ITGA8: variants seen among roughly 807,000 people sequenced by gnomAD.
The protein encoded by ITGA8 is integrin alpha-8.
Under a neutral mutation model 142.3 loss-of-function variants are expected in ITGA8, and 91 were observed. That is an observed-to-expected ratio of 0.64 (90% confidence interval 0.54 to 0.76). The LOEUF is 0.76. Among genes scored for constraint, ITGA8 ranks in the 30% least tolerant of loss-of-function variants. ITGA8 has a pLI of 0.00. For missense variants in ITGA8, 1,406 were observed against 1,327.7 expected, an observed-to-expected ratio of 1.06 and a Z score of -0.92; for synonymous variants, 505 against 485.2, an observed-to-expected ratio of 1.04 and a Z score of -0.54.
At chr10:15,608,421 A>C (rs1833237686) in intron 15 of ITGA8, 131 bp from the exon 16 acceptor site, 4 of 535,780 alleles carry the variant, frequency 7.5e-6, no homozygotes, top group Middle Eastern at 4.8e-4. Context: ...ACACACACAC[A>C]CACCCACACA....
intron 2 of ITGA8, 81 bp from the exon 3 acceptor site, chr10:15,688,119 A>G: frequency 1.0e-6 from 1 of 961,022 alleles, no homozygotes; most frequent in Non-Finnish European, 1.7e-6. Flanking sequence ...GTACATTAAA[A>G]ATACTTGAAC....
At chr10:15,582,220 T>G (rs927148150) in intron 23 of ITGA8, among the ~76,000 whole-genome samples, 1 of 151,896 alleles carries the variant, frequency 6.6e-6, no homozygotes, top group African/African-American at 2.4e-5. Flanking sequence ...GCCTGGGAGA[T>G]AGAGTGAGAC....
chr10:15,521,383 G>T lies in ITGA8; in HGVS notation c.2983-1971C>A, dbSNP rs115957521. Among the ~76,000 whole-genome samples, 872 of 152,222 alleles carry T rather than the reference G, an allele frequency of 5.7e-3. 6 individuals carry two copies. Among genetic ancestry groups the T allele is most frequent in the African/African-American group, 0.02 (845 of 41,552 alleles). On this transcript the variant is annotated intron_variant, in intron 28 of 29. Coordinates refer to ENST00000378076, the MANE Select transcript of ITGA8 (RefSeq NM_003638.3). ...ATGGTGCCCTTCTCAGCTTGTCTTG[G>T]TTTTTTATTGCTCCTTCCTTCTTGA...
At chr10:15,528,894 C>G (rs1833232340) in intron 28 of ITGA8, among the ~76,000 whole-genome samples, 2 of 152,118 alleles carry the variant, frequency 1.3e-5, no homozygotes, top group Non-Finnish European at 1.5e-5. Flanking sequence ...GCTTTAAATA[C>G]CACCGAAGTT....
chr10:15,531,641 A>G (rs545545926), intron 27 of ITGA8, among the ~76,000 whole-genome samples: 8 of 152,274 alleles, frequency 5.3e-5, no homozygotes, highest in African/African-American at 1.9e-4. Context: ...GCAGTAAGTT[A>G]TAAAGAAATG....
chr10:15,615,201 C>G (rs1833370342), intron 14 of ITGA8, among the ~76,000 whole-genome samples: 1 of 152,342 alleles, frequency 6.6e-6, no homozygotes, highest in African/African-American at 2.4e-5. Context: ...CCATTCTGCT[C>G]CAGCAGCTCT....
intron 1 of ITGA8, among the ~76,000 whole-genome samples, chr10:15,719,283 G>A (rs921999369): frequency 1.3e-5 from 2 of 152,166 alleles, no homozygotes; most frequent in Non-Finnish European, 2.9e-5. Flanking sequence ...GGGTCTTCTG[G>A]GTCCTGTTCT....
intron 27 of ITGA8, among the ~76,000 whole-genome samples, chr10:15,540,229 CA>C (rs1377035780): frequency 6.6e-6 from 1 of 152,172 alleles, no homozygotes; most frequent in Non-Finnish European, 1.5e-5. Context: ...TACTGACTAT[CA>C]GAACTTATTC....
chr10:15,656,298 CA>C (rs1834183175), intron 10 of ITGA8, among the ~76,000 whole-genome samples: 1 of 152,110 alleles, frequency 6.6e-6, no homozygotes, highest in Non-Finnish European at 1.5e-5. Context: ...TCATAGTCAA[CA>C]AAAGCTCCTA....
chr10:15,637,248 T>C (rs1413711318), intron 13 of ITGA8, among the ~76,000 whole-genome samples: 1 of 152,226 alleles, frequency 6.6e-6, no homozygotes, highest in Non-Finnish European at 1.5e-5. Context: ...GTAGCTCATA[T>C]TCTGTTCATG....
chr10:15,649,484 G>T (rs1236354036), intron 11 of ITGA8, among the ~76,000 whole-genome samples: 3 of 151,676 alleles, frequency 2.0e-5, no homozygotes, highest in Non-Finnish European at 4.4e-5. Flanking sequence ...ACAAAAATTA[G>T]CTGGGCATGG....
At chr10:15,594,410 G>A (rs1039177698) in intron 21 of ITGA8, among the ~76,000 whole-genome samples, 5 of 151,980 alleles carry the variant, frequency 3.3e-5, no homozygotes, top group Non-Finnish European at 7.4e-5. Context: ...GTTTCTTATT[G>A]AGTGAAGGTT....
intron 26 of ITGA8, among the ~76,000 whole-genome samples, chr10:15,552,571 C>G (rs2131561603): frequency 6.6e-6 from 1 of 152,294 alleles, no homozygotes; most frequent in East Asian, 1.9e-4. Context: ...TTCTGGGATA[C>G]ATGTACAGAA....
rs1304744671 is a variant in ITGA8, at chr10:15,650,493, G to GC, written c.1002-3443dup. On this transcript the variant is annotated intron_variant, in intron 11 of 29. Coordinates refer to ENST00000378076, the MANE Select transcript of ITGA8 (RefSeq NM_003638.3). ...TGGAATACAGAGCTGGAATGTTCTT[G>GC]CCCCCCTCAACATGTGATGCCTGGC... Among the ~76,000 whole-genome samples, 3 of 152,246 alleles carry GC rather than the reference G, an allele frequency of 2.0e-5. No homozygotes were observed. The South Asian group carries it at 6.2e-4, about 32-fold the overall frequency.
At chr10:15,541,598 T>C (rs1303449049) in intron 27 of ITGA8, among the ~76,000 whole-genome samples, 2 of 152,326 alleles carry the variant, frequency 1.3e-5, no homozygotes, top group Admixed American at 6.5e-5. Flanking sequence ...AAGCCTAACA[T>C]TTGGCCTGAG....
At chr10:15,519,437 A>G (rs776912311) in intron 28 of ITGA8, 25 bp from the exon 29 acceptor site, 2 of 1,612,018 alleles carry the variant, frequency 1.2e-6, no homozygotes, top group Non-Finnish European at 1.7e-6. Flanking sequence ...AAAGCAAATG[A>G]GCTCTAATGC....
rs67683436 is a variant in ITGA8, at chr10:15,549,201, GTTTTT to G, written c.2767-638_2767-634del. The stretch of plus-strand genomic sequence containing the variant: ...TTCTTTCTTTTTTCTTTTCTTTTCT[GTTTTT>G]TTTTTTTTTTTTTTTTTTTTTGAGA... On this transcript the variant is annotated intron_variant, in intron 26 of 29. Coordinates refer to ENST00000378076, the MANE Select transcript of ITGA8 (RefSeq NM_003638.3). Among the ~76,000 whole-genome samples, 431 of 107,154 alleles carry G rather than the reference GTTTTT, an allele frequency of 4.0e-3. 2 individuals carry two copies. Among genetic ancestry groups the G allele is most frequent in the Middle Eastern group, 0.017 (4 of 234 alleles). 70.3% of individuals were successfully genotyped at this position (107,154 alleles called of 152,430 possible).
At chr10:15,539,574 A>T (rs180736265) in intron 27 of ITGA8, among the ~76,000 whole-genome samples, 1 of 152,290 alleles carries the variant, frequency 6.6e-6, no homozygotes, top group African/African-American at 2.4e-5. Context: ...GTTCCCTGAG[A>T]TCCTGAATTG....
At chr10:15,550,343 A>G (rs887407874) in intron 26 of ITGA8, among the ~76,000 whole-genome samples, 2 of 152,170 alleles carry the variant, frequency 1.3e-5, no homozygotes, top group Non-Finnish European at 2.9e-5. Context: ...CCACAGCAGG[A>G]ACAGGAATTC....
Sources: allele counts gnomAD v4.1 joint callset (sites outside exome capture counted in the v4.1 genomes callset), GRCh38; gene constraint gnomAD v4.1.1; transcripts MANE v1.5; gene names NCBI Gene and HGNC (gene_info 2026-07-23, HGNC 2026-07-21).